SH3PXD2A: variants seen among roughly 807,000 people sequenced by gnomAD.
SH3PXD2A encodes the protein SH3 and PX domain-containing protein 2A.
Under a neutral mutation model 115.2 loss-of-function variants are expected in SH3PXD2A, and 32 were observed. The observed-to-expected ratio is 0.28, with a 90% CI of 0.21 to 0.37. The LOEUF is 0.37. SH3PXD2A is among the 10% of genes least tolerant of loss of function. The pLI is 1.00. For synonymous variants in SH3PXD2A, 610 were observed against 629.1 expected, an observed-to-expected ratio of 0.97 and a Z score of 0.45; for missense variants, 1,328 against 1,498.7, an observed-to-expected ratio of 0.89 and a Z score of 1.88.
rs778304934 is a variant in SH3PXD2A at position 103,602,430 on chromosome 10, C to T, written c.2788G>A (p.Glu930Lys). The change falls in exon 15 of 15, where the codon GAG becomes AAG. Residue 930 changes from glutamate (E) to lysine (K), a missense_variant. This residue lies in a region of SH3PXD2A where 574 missense variants were observed against 565.7 expected (regional missense o/e 1.01). Transcript: ENST00000369774. ...GTGTTCAGTGCTTGGACGCGCCTCT[C>T]GATCTTCTCCAGGCTGTCTGATTTG... is the stretch of plus-strand genomic sequence containing the variant. ...EGKSDSLEKI[E>K]RRVQALNTVN... 4.1e-5 allele frequency: 66 copies of T among 1,614,174 alleles called. No individual in the cohort carries two copies. Among genetic ancestry groups the T allele is most frequent in the Admixed American group, 4.0e-4 (24 of 60,026 alleles).
chr10:103,808,773 T>C (rs1235954712), intron 1 of SH3PXD2A, among the ~76,000 whole-genome samples: 1 of 152,130 alleles, frequency 6.6e-6, no homozygotes, highest in African/African-American at 2.4e-5. Flanking sequence ...TCAACACAGG[T>C]GAGTCTGTCT....
intron 8 of SH3PXD2A, among the ~76,000 whole-genome samples, chr10:103,633,068 G>A (rs2036806406): frequency 1.3e-5 from 2 of 152,178 alleles, no homozygotes. Context: ...AAGCCACACA[G>A]CCCCACTCTG....
At position 103,661,125 on chromosome 10, in the gene SH3PXD2A, C is replaced by G; in HGVS notation, c.473-11G>C. The G allele has an allele frequency of 6.2e-7, 1 of 1,611,590 alleles. No homozygotes were observed. Among genetic ancestry groups the G allele is most frequent in the Non-Finnish European group, 8.5e-7 (1 of 1,178,810 alleles). ...CGGTGGCGTCGGCACCTGGCGAGGG[C>G]AGAAAGCACGCGGTGAGCCAGCGGC... On this transcript the variant is annotated splice_polypyrimidine_tract_variant and intron_variant, in intron 7 of 14. Coordinates refer to ENST00000369774, the MANE Select transcript of SH3PXD2A (RefSeq NM_001394015.1).
At chr10:103,651,389 CT>C (rs1324712904) in intron 8 of SH3PXD2A, among the ~76,000 whole-genome samples, 1 of 152,276 alleles carries the variant, frequency 6.6e-6, no homozygotes, top group Non-Finnish European at 1.5e-5. Flanking sequence ...CCTGCTGCCC[CT>C]GGCCTTTCTC....
chr10:103,726,954 G>A (rs1395886522), intron 4 of SH3PXD2A, among the ~76,000 whole-genome samples: 1 of 152,126 alleles, frequency 6.6e-6, no homozygotes, highest in Non-Finnish European at 1.5e-5. Flanking sequence ...CCATCAACAG[G>A]CAAAAAACAG....
chr10:103,606,036 A>G (rs962954895), intron 13 of SH3PXD2A, 119 bp from the exon 14 acceptor site: 112 of 982,024 alleles, frequency 1.1e-4, no homozygotes, highest in Non-Finnish European at 1.6e-4. Flanking sequence ...CCAGCTGGAC[A>G]GCAGCTGGCC....
intron 6 of SH3PXD2A, among the ~76,000 whole-genome samples, chr10:103,685,200 ATGG>A (rs2037661844): frequency 6.6e-6 from 1 of 151,894 alleles, no homozygotes; most frequent in African/African-American, 2.4e-5. Context: ...TTAGCTGGGC[ATGG>A]TGGCGGACGC....
At chr10:103,808,776 G>A (rs2039234146) in intron 1 of SH3PXD2A, among the ~76,000 whole-genome samples, 1 of 152,158 alleles carries the variant, frequency 6.6e-6, no homozygotes, top group South Asian at 2.1e-4. Context: ...ACACAGGTGA[G>A]TCTGTCTTCC....
At chr10:103,715,080 A>G (rs1256011087) in intron 5 of SH3PXD2A, among the ~76,000 whole-genome samples, 1 of 152,180 alleles carries the variant, frequency 6.6e-6, no homozygotes, top group Non-Finnish European at 1.5e-5. Flanking sequence ...GGCCAACCCA[A>G]TTCCATTCCC....
In SH3PXD2A at chr10:103,603,107, G is replaced by C. The variant is rs754305451; in HGVS notation, c.2111C>G (p.Ser704Cys). Residue 704 changes from serine (S) to cysteine (C), a missense_variant, in exon 15 of 15, where the codon TCT becomes TGT. Ser to Cys is a moderately radical substitution (Grantham distance 112). Around this residue, in one of 5 missense-constraint regions of SH3PXD2A, gnomAD observed 574 missense variants for 565.7 expected, o/e 1.01. Coordinates refer to ENST00000369774, the MANE Select transcript of SH3PXD2A (RefSeq NM_001394015.1). The part of the protein sequence containing the change: ...ITINTTCCSS[S>C]SSSSSSLSKT... The stretch of plus-strand genomic sequence containing the variant: ...GGACAAGGAAGAGGAGGAGGAGGAA[G>C]AGGAGGAGCAGCAAGTGGTGTTGAT... 1 of 1,613,010 alleles carries C rather than the reference G, an allele frequency of 6.2e-7. No homozygotes were observed. Among genetic ancestry groups the C allele is most frequent in the Non-Finnish European group, 8.5e-7 (1 of 1,180,010 alleles).
In SH3PXD2A at chr10:103,603,139, G is replaced by T. The variant is rs769205314; in HGVS notation, c.2079C>A (p.Ser693=). 1.2e-6 allele frequency: 2 copies of T among 1,613,448 alleles called. No individual in the cohort carries two copies. Among genetic ancestry groups the T allele is most frequent in the South Asian group, 1.1e-5 (1 of 91,070 alleles). ...KNHSSASFSS[S]ITINTTCCSS... ...AGCAGCAAGTGGTGTTGATGGTGAT[G>T]GATGAGGAAAAGGAGGCTGAGGAGT... The change falls in exon 15 of 15, where the codon TCC becomes TCA. Residue 693 remains serine, a synonymous_variant. Coordinates refer to ENST00000369774, the MANE Select transcript of SH3PXD2A (RefSeq NM_001394015.1).
chr10:103,737,549 C>T (rs1317346004), intron 3 of SH3PXD2A, among the ~76,000 whole-genome samples: 3 of 152,130 alleles, frequency 2.0e-5, no homozygotes, highest in Non-Finnish European at 4.4e-5. Context: ...TGTTATCAGG[C>T]CAGTTAATCA....
At chr10:103,789,581 G>C (rs989728177) in intron 2 of SH3PXD2A, among the ~76,000 whole-genome samples, 3 of 151,872 alleles carry the variant, frequency 2.0e-5, no homozygotes, top group African/African-American at 7.3e-5. Flanking sequence ...CACCACCAAA[G>C]ATCCCCCTTC....
intron 5 of SH3PXD2A, among the ~76,000 whole-genome samples, chr10:103,714,342 C>T (rs962524829): frequency 9.9e-5 from 15 of 152,210 alleles, no homozygotes; most frequent in Admixed American, 3.9e-4. Flanking sequence ...CCCACACACT[C>T]CTGCACCAGG....
chr10:103,693,130 C>A, intron 5 of SH3PXD2A, 74 bp from the exon 6 acceptor site: 1 of 1,349,570 alleles, frequency 7.4e-7, no homozygotes, highest in Non-Finnish European at 1.1e-6. Flanking sequence ...GCAGGGGCGC[C>A]CTCGGGCTGG....
At chr10:103,845,364 A>G (rs1384191188) in intron 1 of SH3PXD2A, among the ~76,000 whole-genome samples, 1 of 151,732 alleles carries the variant, frequency 6.6e-6, no homozygotes, top group Admixed American at 6.6e-5. Context: ...AAAAAGAAAA[A>G]GAAAAAAAGG....
chr10:103,702,467 G>A (rs749600054), intron 5 of SH3PXD2A, among the ~76,000 whole-genome samples: 4 of 152,190 alleles, frequency 2.6e-5, no homozygotes, highest in Non-Finnish European at 4.4e-5. Flanking sequence ...TGGAAGATGG[G>A]GCACTAGAGC....
Position 103,666,258 on chromosome 10 carries a change from C to T in SH3PXD2A, c.472+2350G>A, listed in dbSNP as rs1176552161. Among the ~76,000 whole-genome samples, 3 of 152,358 alleles carry T rather than the reference C, an allele frequency of 2.0e-5. No individual in the cohort carries two copies. Among genetic ancestry groups the T allele is most frequent in the African/African-American group, 7.2e-5 (3 of 41,590 alleles). On this transcript the variant is annotated intron_variant, in intron 7 of 14. Coordinates refer to ENST00000369774, the MANE Select transcript of SH3PXD2A (RefSeq NM_001394015.1). The surrounding 1 kb of genome is among the most constrained non-coding windows in gnomAD (Gnocchi z 4.5). ...ACACATGTATCGAGCACCCACTAGG[C>T]GCCAACACCCAACACCACTGCTCCA...
In SH3PXD2A at chr10:103,665,366, CT is replaced by C. The variant is rs2037371044; in HGVS notation, c.472+3241del. ...GAGTTAAATCCACACCCCCACACCC[CT>C]TCCCCCCACCACTTTCCTGGAAAAT... On this transcript the variant is annotated intron_variant, in intron 7 of 14. Transcript: ENST00000369774. The surrounding 1 kb of genome is among the most constrained non-coding windows in gnomAD (Gnocchi z 4.0). Among the ~76,000 whole-genome samples, 1 of 152,162 alleles carries C rather than the reference CT, an allele frequency of 6.6e-6. No homozygotes were observed. The highest frequency in any genetic ancestry group is 1.5e-5 in the Non-Finnish European group (1 of 68,022).
Sources: gnomAD v4.1 joint callset for allele counts (sites outside exome capture counted in the v4.1 genomes callset) on GRCh38, gnomAD v4.1.1 for gene constraint, gnomAD v4.1.1 regional missense constraint, Gnocchi (gnomAD v3.1) non-coding constraint, MANE v1.5 for transcripts, NCBI Gene and HGNC (gene_info 2026-07-23, HGNC 2026-07-21) for gene names.